The following FILIP1L variants were observed in gnomAD, a reference collection of about 807,000 sequenced individuals.
FILIP1L encodes the protein filamin A-interacting protein 1-like.
A neutral mutation model predicts 96.6 loss-of-function variants in FILIP1L; 55 were observed. The observed-to-expected ratio is 0.57, with a 90% CI of 0.46 to 0.71. The LOEUF (loss-of-function observed/expected upper bound fraction) is 0.71, where lower values mean the gene tolerates loss of function less well. Among genes scored for constraint, FILIP1L ranks in the 30% least tolerant of loss-of-function variants. The probability of loss-of-function intolerance (pLI) is 0.00; values close to 1 mark genes in which losing one functional copy is unlikely to be tolerated. For synonymous variants in FILIP1L, 467 were observed against 473.9 expected (o/e 0.99, Z 0.19); for missense variants, 1,304 against 1,321.2 (o/e 0.99, Z 0.20).
intron 1 of FILIP1L, among the ~76,000 whole-genome samples, chr3:99,996,635 C>T (rs1709691457): frequency 6.6e-6 from 1 of 152,124 alleles, no homozygotes; most frequent in African/African-American, 2.4e-5. Flanking sequence ...TTCCACATGT[C>T]TGGGGAGTCC....
intron 1 of FILIP1L, among the ~76,000 whole-genome samples, chr3:99,999,373 T>C: frequency 6.6e-6 from 1 of 152,208 alleles, no homozygotes; most frequent in East Asian, 1.9e-4. Context: ...GTCATAAGTA[T>C]AGAGTTGGTG....
chr3:99,991,098 A>G (rs1279282540), intron 1 of FILIP1L, among the ~76,000 whole-genome samples: 1 of 152,180 alleles, frequency 6.6e-6, no homozygotes, highest in Non-Finnish European at 1.5e-5. Context: ...CATAAGACCA[A>G]AAAAATTCTT....
chr3:99,890,681 C>A (rs895487974), intron 4 of FILIP1L, among the ~76,000 whole-genome samples: 4 of 151,324 alleles, frequency 2.6e-5, no homozygotes, highest in African/African-American at 9.7e-5. Context: ...CTAGTTTGAC[C>A]ATTTTCTATA....
At chr3:100,062,195 T>G (rs568997847) in intron 1 of FILIP1L, among the ~76,000 whole-genome samples, 1 of 137,342 alleles carries the variant, frequency 7.3e-6, no homozygotes, top group Admixed American at 8.1e-5. Context: ...CACTGCAAGC[T>G]CCGCCTCCCG....
chr3:99,862,336 G>T (rs759605124), intron 4 of FILIP1L, among the ~76,000 whole-genome samples: 2 of 152,186 alleles, frequency 1.3e-5, no homozygotes, highest in Non-Finnish European at 2.9e-5. Flanking sequence ...GTAGGGGTCA[G>T]CTGGGGGAAG....
intron 1 of FILIP1L, among the ~76,000 whole-genome samples, chr3:100,058,544 C>T (rs1475248051): frequency 6.6e-6 from 1 of 152,226 alleles, no homozygotes; most frequent in East Asian, 1.9e-4. Context: ...TAAAGCTTTG[C>T]TCAGCTTTTG....
In FILIP1L at chr3:100,074,675, A is replaced by ATTTTTTTTTTTTTTTTTTT. The variant is rs555819875; in HGVS notation, c.-11+39359_-11+39377dup. Among the ~76,000 whole-genome samples the ATTTTTTTTTTTTTTTTTTT allele has an allele frequency of 3.2e-3, 110 of 34,798 alleles. 41 individuals are homozygous for ATTTTTTTTTTTTTTTTTTT. The highest frequency in any genetic ancestry group is 4.3e-3 in the East Asian group (4 of 940). The allele number at this position is 34,798 out of a possible 152,430, so 22.8% of individuals were successfully genotyped here. The stretch of plus-strand genomic sequence containing the variant: ...ATTTTCTATGCATGTGCAACATTTG[A>ATTTTTTTTTTTTTTTTTTT]TTTTTTTTTTTTTTTTTTTTTTTTT... On this transcript the variant is annotated intron_variant, in intron 1 of 5. Coordinates refer to ENST00000477258, the MANE Select transcript of FILIP1L (RefSeq NM_001387850.1).
rs1300425143 is a variant in FILIP1L, at chr3:99,929,842, A to G, written c.426+14T>C. 14 of 1,601,998 alleles carry G rather than the reference A, an allele frequency of 8.7e-6. No individual in the cohort carries two copies. The highest frequency in any genetic ancestry group is 4.0e-5 in the African/African-American group (3 of 74,514). On this transcript the variant is annotated intron_variant, in intron 3 of 5. Coordinates refer to ENST00000477258, the MANE Select transcript of FILIP1L (RefSeq NM_001387850.1). ...GGCTGCCTCCCAGGTACACACCCCT[A>G]TTGTGGTACATACCTCATTCATTGG...
intron 1 of FILIP1L, among the ~76,000 whole-genome samples, chr3:99,973,097 A>C (rs1708870577): frequency 6.6e-6 from 1 of 152,230 alleles, no homozygotes. Context: ...ATTATTAAAA[A>C]AGATGAAGGG....
In FILIP1L at chr3:99,969,502, T is replaced by A. The variant is rs115139899; in HGVS notation, c.-10-38472A>T. Among the ~76,000 whole-genome samples the A allele has an allele frequency of 4.6e-3, 700 of 152,256 alleles. 2 individuals carry two copies. The highest frequency in any genetic ancestry group is 6.8e-3 in the South Asian group (33 of 4,818). ...GATTGGTCACAGAAATACAGAAGTC[T>A]ACGTTTGAATTGATTCTAAAGATAT... is the stretch of plus-strand genomic sequence containing the variant. On this transcript the variant is annotated intron_variant, in intron 1 of 5. Transcript: ENST00000477258.
At chr3:100,113,866 A>G (rs1447106729) in intron 1 of FILIP1L, among the ~76,000 whole-genome samples, 187 bp downstream of exon 1, 1 of 152,154 alleles carries the variant, frequency 6.6e-6, no homozygotes, top group Non-Finnish European at 1.5e-5. Flanking sequence ...TCTATTTTGC[A>G]AGCAACTCTT....
chr3:99,891,185 C>T (rs1015422244), intron 4 of FILIP1L, among the ~76,000 whole-genome samples: 2 of 151,904 alleles, frequency 1.3e-5, no homozygotes, highest in African/African-American at 2.4e-5. Flanking sequence ...TCATGGAAAG[C>T]AGTTTTCCTT....
At chr3:99,862,373 A>AGAT (rs1325288360) in intron 4 of FILIP1L, among the ~76,000 whole-genome samples, 3 of 152,212 alleles carry the variant, frequency 2.0e-5, no homozygotes, top group Non-Finnish European at 2.9e-5. Context: ...TTGGAATGAA[A>AGAT]GATATGACTA....
At chr3:100,089,920 G>A (rs2066074590) in intron 1 of FILIP1L, among the ~76,000 whole-genome samples, 1 of 152,184 alleles carries the variant, frequency 6.6e-6, no homozygotes. Context: ...AATTGACTCA[G>A]ATGATCTCTA....
intron 1 of FILIP1L, among the ~76,000 whole-genome samples, chr3:100,023,044 T>G (rs1435766022): frequency 6.6e-6 from 1 of 152,162 alleles, no homozygotes; most frequent in Non-Finnish European, 1.5e-5. Context: ...TTCAGGTGTT[T>G]TAACCATTTA....
At position 99,830,095 on chromosome 3, in the gene FILIP1L, C is replaced by G. The variant is rs145737168; in HGVS notation, c.*319G>C. 6.7e-3 allele frequency: 1,046 copies of G among 156,438 alleles called. 3 individuals carry two copies. The highest frequency in any genetic ancestry group is 8.5e-3 in the African/African-American group (355 of 41,700). 9.7% of individuals were successfully genotyped at this position (156,438 alleles called of 1,614,324 possible). ...AATTACTTCTGTTTTCACCAGAAAA[C>G]TCTTGAACTGTTCTAGTGAATTCAG... On this transcript the variant is annotated 3_prime_UTR_variant, in exon 6 of 6. Coordinates refer to ENST00000477258, the MANE Select transcript of FILIP1L (RefSeq NM_001387850.1).
intron 4 of FILIP1L, among the ~76,000 whole-genome samples, chr3:99,905,548 G>A (rs957260308): frequency 9.9e-5 from 15 of 152,138 alleles, no homozygotes; most frequent in African/African-American, 3.6e-4. Flanking sequence ...CGTTTATTGA[G>A]GTATAATTTA....
At chr3:100,068,141 C>T (rs1327577234) in intron 1 of FILIP1L, among the ~76,000 whole-genome samples, 1 of 152,174 alleles carries the variant, frequency 6.6e-6, no homozygotes, top group African/African-American at 2.4e-5. Context: ...CAGAGAAATG[C>T]ACATTTAATC....
chr3:100,019,790 G>A (rs1559727633), intron 1 of FILIP1L, among the ~76,000 whole-genome samples: 1 of 152,108 alleles, frequency 6.6e-6, no homozygotes, highest in African/African-American at 2.4e-5. Flanking sequence ...TAAGGAGTAA[G>A]ATAATTTTTC....
Sources: allele counts gnomAD v4.1 joint callset (sites outside exome capture counted in the v4.1 genomes callset), GRCh38; gene constraint gnomAD v4.1.1; transcripts MANE v1.5; gene names NCBI Gene and HGNC (gene_info 2026-07-23, HGNC 2026-07-21).